The following DOCK10 variants were observed in gnomAD, a reference collection of about 807,000 sequenced individuals.
The protein encoded by DOCK10 is dedicator of cytokinesis 10.
A neutral mutation model predicts 280.1 loss-of-function variants in DOCK10; 145 were observed. The observed-to-expected ratio is 0.52, with a 90% CI of 0.45 to 0.59. The LOEUF (loss-of-function observed/expected upper bound fraction) is 0.59, where lower values mean the gene tolerates loss of function less well. Ranked by LOEUF, DOCK10 falls within the 20% of genes least tolerant of loss-of-function variation. The pLI, the probability that DOCK10 is intolerant of heterozygous loss-of-function variation, is 0.00. For synonymous variants in DOCK10, 915 were observed against 942.2 expected, an observed-to-expected ratio of 0.97 and a Z score of 0.53; for missense variants, 2,368 against 2,651.7, an observed-to-expected ratio of 0.89 and a Z score of 2.35.
intron 1 of DOCK10, among the ~76,000 whole-genome samples, chr2:224,977,732 C>T (rs370298339): frequency 6.6e-6 from 1 of 152,170 alleles, no homozygotes; most frequent in East Asian, 1.9e-4. Context: ...TGTCAGGATT[C>T]ATGTGTTTCT....
rs1175084774 is a variant in DOCK10 at position 224,804,232 on chromosome 2, T to C, written c.4167-19A>G. 4 of 1,478,556 alleles carry C rather than the reference T, an allele frequency of 2.7e-6. No homozygotes were observed. The African/African-American group carries it at 5.6e-5, about 21-fold the overall frequency. The allele number at this position is 1,478,556 out of a possible 1,614,324, so 91.6% of individuals were successfully genotyped here. A position where few individuals can be genotyped will look rare whatever the true frequency, so the allele number is the denominator to read the frequency against. Reference sequence around the variant, plus strand: ...AATTTTTCTGCAATGAAAATGGAAGTTTTAATCATAGCTCAGTGTTTGTAA... The same window carrying C: ...AATTTTTCTGCAATGAAAATGGAAGCTTTAATCATAGCTCAGTGTTTGTAA... On this transcript the variant is annotated intron_variant, in intron 38 of 55. Coordinates refer to ENST00000258390, the MANE Select transcript of DOCK10 (RefSeq NM_014689.3).
At chr2:224,799,381 T>C (rs1393503005) in intron 41 of DOCK10, among the ~76,000 whole-genome samples, 1 of 152,276 alleles carries the variant, frequency 6.6e-6, no homozygotes, top group Non-Finnish European at 1.5e-5. Context: ...TGTATGGATA[T>C]ACCACAGATT....
rs879045391 is a variant in DOCK10, at chr2:224,800,173, G to A, written c.4484C>T (p.Ser1495Phe). The A allele has an allele frequency of 2.5e-6, 4 of 1,608,538 alleles. No individual in the cohort carries two copies. The highest frequency in any genetic ancestry group is 2.2e-5 in the East Asian group (1 of 44,792). ...CACCTGATGAGTCTGTGTGAAGAGG[G>A]ATAACAGGTCCAGAATAGTGAGGCA... ...EVCLTILDLL[S>F]LFTQTHQRQL... is the part of the protein sequence containing the mutation. The change falls in exon 41 of 56, where the codon TCC (serine) becomes TTC (phenylalanine). Residue 1495 changes from serine (S) to phenylalanine (F), a missense_variant. Ser to Phe is a radical substitution (Grantham distance 155, BLOSUM62 -2). This residue lies in a region of DOCK10 where 1,159 missense variants were observed against 1,400.8 expected (regional missense o/e 0.83). Coordinates refer to ENST00000258390, the MANE Select transcript of DOCK10 (RefSeq NM_014689.3).
rs200324773 is a variant in DOCK10 at position 224,804,859 on chromosome 2, A to G, written c.4119-18T>C. 1 of 1,492,340 alleles carries G rather than the reference A, an allele frequency of 6.7e-7. No individual in the cohort carries two copies. The highest frequency in any genetic ancestry group is 1.3e-5 in the South Asian group (1 of 74,078). The allele number at this position is 1,492,340 out of a possible 1,614,324, so 92.4% of individuals were successfully genotyped here. The stretch of plus-strand genomic sequence containing the variant: ...GACAAACGCTAGAAAGGAGAAAAAA[A>G]CCACATTTTAATTATTCATATTCTT... On this transcript the variant is annotated intron_variant, in intron 37 of 55. Coordinates refer to ENST00000258390, the MANE Select transcript of DOCK10 (RefSeq NM_014689.3).
At chr2:224,919,726 A>C (rs1701582001) in intron 2 of DOCK10, among the ~76,000 whole-genome samples, 1 of 152,038 alleles carries the variant, frequency 6.6e-6, no homozygotes, top group African/African-American at 2.4e-5. Flanking sequence ...GCATGTGCAC[A>C]TGCATGTCGG....
chr2:224,837,839 A>G lies in DOCK10; in HGVS notation c.2781-8T>C. 1 of 1,613,578 alleles carries G rather than the reference A, an allele frequency of 6.2e-7. No homozygotes were observed. The highest frequency in any genetic ancestry group is 8.5e-7 in the Non-Finnish European group (1 of 1,179,618). ...ACAATGTCGGTCAGAACCCTGCAAA[A>G]GCAAAGCTGTTCAGTGGCCTTTCTG... On this transcript the variant is annotated splice_polypyrimidine_tract_variant and splice_region_variant and intron_variant, in intron 24 of 55. Transcript: ENST00000258390.
rs1690452698 is a variant in DOCK10 at position 225,042,206 on chromosome 2, G to A, written c.123+46C>T. 2 of 1,231,474 alleles carry A rather than the reference G, an allele frequency of 1.6e-6. No homozygotes were observed. Among genetic ancestry groups the A allele is most frequent in the Non-Finnish European group, 2.0e-6 (2 of 987,722 alleles). The allele number at this position is 1,231,474 out of a possible 1,614,324, so 76.3% of individuals were successfully genotyped here. A position where few individuals can be genotyped will look rare whatever the true frequency, so the allele number is the denominator to read the frequency against. On this transcript the variant is annotated intron_variant, in intron 1 of 55. Coordinates refer to ENST00000258390, the MANE Select transcript of DOCK10 (RefSeq NM_014689.3). The surrounding 1 kb of genome is among the most constrained non-coding windows in gnomAD (Gnocchi z 5.1). The stretch of plus-strand genomic sequence containing the variant: ...GGGAAGCTGGGCTCCGTTCCCCCCG[G>A]GCGCCTGGGGCGCGCGGGAAGGCGC...
At chr2:224,843,563 A>G (rs976522798) in intron 22 of DOCK10, among the ~76,000 whole-genome samples, 10 of 152,174 alleles carry the variant, frequency 6.6e-5, no homozygotes, top group African/African-American at 2.4e-4. Context: ...GGTTGCCGAG[A>G]GAAATTTTGG....
intron 1 of DOCK10, among the ~76,000 whole-genome samples, chr2:225,026,663 T>A (rs1689928799): frequency 6.6e-6 from 1 of 152,040 alleles, no homozygotes; most frequent in Non-Finnish European, 1.5e-5. Flanking sequence ...TAGATCTGGA[T>A]CCTGTTGAGT....
Position 224,797,155 on chromosome 2 carries a change from A to G in DOCK10, c.4645-9T>C. ...AAGAACGCTGAAGGAAACTGCAGAA[A>G]TGGAAGAACGGGTGAAGGGAGCAAC... On this transcript the variant is annotated splice_polypyrimidine_tract_variant and intron_variant, in intron 42 of 55. Transcript: ENST00000258390. The G allele has an allele frequency of 6.3e-7, 1 of 1,593,974 alleles. No individual in the cohort carries two copies. The highest frequency in any genetic ancestry group is 2.3e-5 in the East Asian group (1 of 44,338).
At chr2:224,846,173 A>G (rs1053947098) in intron 19 of DOCK10, among the ~76,000 whole-genome samples, 16 of 152,230 alleles carry the variant, frequency 1.1e-4, no homozygotes, top group African/African-American at 3.9e-4. Context: ...ATAATTTAGA[A>G]TACTTAGTGT....
At chr2:224,991,924 G>T (rs1706136212) in intron 1 of DOCK10, among the ~76,000 whole-genome samples, 1 of 152,140 alleles carries the variant, frequency 6.6e-6, no homozygotes, top group South Asian at 2.1e-4. Flanking sequence ...CTGATGTTTG[G>T]ACTTTATGGT....
intron 1 of DOCK10, among the ~76,000 whole-genome samples, chr2:225,008,274 C>T (rs1457991841): frequency 6.6e-6 from 1 of 152,180 alleles, no homozygotes; most frequent in East Asian, 1.9e-4. Context: ...GCTAGGACTA[C>T]AGGCATGGGT....
chr2:224,829,337 T>C (rs1326632750), intron 27 of DOCK10, among the ~76,000 whole-genome samples: 2 of 152,226 alleles, frequency 1.3e-5, no homozygotes, highest in Admixed American at 6.5e-5. Context: ...TTAATAAAAC[T>C]GGCATTTGGA....
chr2:224,780,300 G>A (rs1409390233), intron 50 of DOCK10, among the ~76,000 whole-genome samples: 3 of 151,940 alleles, frequency 2.0e-5, no homozygotes, highest in African/African-American at 7.2e-5. Context: ...TTTTTTTTCT[G>A]TTGCTGTCTT....
chr2:224,952,815 A>G (rs181953403), intron 1 of DOCK10, among the ~76,000 whole-genome samples: 130 of 151,944 alleles, frequency 8.6e-4, no homozygotes, highest in Admixed American at 4.1e-3. Flanking sequence ...GATGGTCTCG[A>G]TCTCCTGACC....
rs546828107 is a variant in DOCK10, at chr2:225,032,135, T to TAA, written c.123+10115_123+10116dup. Among the ~76,000 whole-genome samples the TAA allele has an allele frequency of 1.6e-3, 242 of 152,254 alleles. 1 individual carries two copies. Among genetic ancestry groups the TAA allele is most frequent in the African/African-American group, 5.5e-3 (229 of 41,542 alleles). ...TTTTAATTCTCTATGAAAACCCCTT[T>TAA]AAAAGGATAAGATCTCCCCAGATTT... On this transcript the variant is annotated intron_variant, in intron 1 of 55. Coordinates refer to ENST00000258390, the MANE Select transcript of DOCK10 (RefSeq NM_014689.3).
intron 2 of DOCK10, among the ~76,000 whole-genome samples, chr2:224,917,452 A>G (rs1701402237): frequency 6.6e-6 from 1 of 152,150 alleles, no homozygotes; most frequent in Non-Finnish European, 1.5e-5. Context: ...CATTATTTTA[A>G]TAATATCGTA....
At chr2:224,921,980 A>G (rs2125981252) in intron 2 of DOCK10, among the ~76,000 whole-genome samples, 1 of 152,150 alleles carries the variant, frequency 6.6e-6, no homozygotes, top group Admixed American at 6.5e-5. Flanking sequence ...TTAGCTGGGC[A>G]TGGTGGCACA....
Sources: allele counts gnomAD v4.1 joint callset (sites outside exome capture counted in the v4.1 genomes callset), GRCh38; gene constraint gnomAD v4.1.1; regional missense constraint gnomAD v4.1.1; non-coding constraint Gnocchi (gnomAD v3.1); transcripts MANE v1.5; gene names NCBI Gene and HGNC (gene_info 2026-07-23, HGNC 2026-07-21).